The following EBF2 variants were observed in gnomAD, a reference collection of about 807,000 sequenced individuals.
EBF2 encodes EBF transcription factor 2.
A neutral mutation model predicts 72.8 loss-of-function variants in EBF2; 21 were observed. The ratio of observed to expected loss-of-function variants is 0.29; its 90% CI spans 0.20 to 0.42. EBF2 has a LOEUF of 0.42. EBF2 is among the 10% of genes least tolerant of loss of function. The pLI is 1.00. For missense variants in EBF2, 637 were observed against 731.2 expected (o/e 0.87, Z 1.49); for synonymous variants, 299 against 274.2 (o/e 1.09, Z -0.89).
chr8:25,846,697 A>T (rs182801310), intron 15 of EBF2, among the ~76,000 whole-genome samples: 76 of 152,244 alleles, frequency 5.0e-4, no homozygotes, highest in Admixed American at 2.0e-3. Flanking sequence ...TCAAAAAGAA[A>T]AATCTTCAGT....
At chr8:26,033,452 A>T (rs982826065) in intron 5 of EBF2, among the ~76,000 whole-genome samples, 4 of 151,910 alleles carry the variant, frequency 2.6e-5, no homozygotes, top group Non-Finnish European at 4.4e-5. Flanking sequence ...CTGGTCTTGA[A>T]CTCCTGACCT....
At chr8:25,876,573 G>T (rs753946413) in intron 10 of EBF2, among the ~76,000 whole-genome samples, 2 of 152,124 alleles carry the variant, frequency 1.3e-5, no homozygotes, top group Non-Finnish European at 2.9e-5. Context: ...CACCAGCCAC[G>T]GCCTATTTCC....
chr8:26,005,581 T>G (rs1376279513), intron 6 of EBF2, among the ~76,000 whole-genome samples: 35 of 41,714 alleles, frequency 8.4e-4, no homozygotes, highest in South Asian at 2.8e-3. Flanking sequence ...GAGAGAGAGG[T>G]ATTTTGGGAA....
intron 6 of EBF2, among the ~76,000 whole-genome samples, chr8:26,025,503 C>A (rs542086812): frequency 6.6e-6 from 1 of 152,208 alleles, no homozygotes; most frequent in East Asian, 1.9e-4. Flanking sequence ...ACTCCAGTGT[C>A]AGGAAGCTGG....
chr8:25,845,870 G>A (rs919819225), intron 15 of EBF2, among the ~76,000 whole-genome samples: 30 of 152,152 alleles, frequency 2.0e-4, no homozygotes, highest in Non-Finnish European at 1.5e-5. Context: ...TATAATAGAA[G>A]CATTTTGCTG....
chr8:26,005,573 G>GAGAGAGAGAGAGAA (rs1452363058), intron 6 of EBF2, among the ~76,000 whole-genome samples: 1 of 50,202 alleles, frequency 2.0e-5, no homozygotes, highest in African/African-American at 8.4e-5. Flanking sequence ...GAGAGAGAGA[G>GAGAGAGAGAGAGAA]AGAGAGGTAT....
At chr8:25,974,970 A>G (rs1804245802) in intron 6 of EBF2, among the ~76,000 whole-genome samples, 1 of 152,268 alleles carries the variant, frequency 6.6e-6, no homozygotes, top group Middle Eastern at 3.4e-3. Flanking sequence ...GCTGACATCA[A>G]TTTCTCAAAT....
chr8:25,900,558 C>T (rs1289565910), intron 7 of EBF2, among the ~76,000 whole-genome samples: 1 of 152,154 alleles, frequency 6.6e-6, no homozygotes, highest in Non-Finnish European at 1.5e-5. Context: ...TCTCAGTCTT[C>T]TCCCTAGCAT....
chr8:25,861,314 T>C lies in EBF2; in HGVS notation c.1159A>G (p.Asn387Asp). The C allele has an allele frequency of 6.2e-7, 1 of 1,614,216 alleles. No individual in the cohort carries two copies. Among genetic ancestry groups the C allele is most frequent in the South Asian group, 1.1e-5 (1 of 91,086 alleles). Residue 387 changes from asparagine to aspartate, a missense_variant, in exon 12 of 16, where the codon AAC becomes GAC. By Grantham distance (23) the Asn-to-Asp change is conservative (BLOSUM62 1). Transcript: ENST00000520164. ...ATAGGATGTCAGTATCTCACCTGGT[T>C]ATTGTGTGGTGTGCCATAAAGAGCT... Reference protein sequence around the residue: ...VEALYGTPHNNQDIILKRAAD... With the variant: ...VEALYGTPHNDQDIILKRAAD...
At chr8:25,932,622 C>T (rs142489709) in intron 6 of EBF2, among the ~76,000 whole-genome samples, 23 of 152,322 alleles carry the variant, frequency 1.5e-4, no homozygotes, top group African/African-American at 5.5e-4. Context: ...ATTTTGGCAA[C>T]TACATCATAT....
At chr8:26,043,678 G>A (rs1805649032) in intron 1 of EBF2, among the ~76,000 whole-genome samples, 1 of 152,202 alleles carries the variant, frequency 6.6e-6, no homozygotes, top group Non-Finnish European at 1.5e-5. Context: ...CTCTACCCGG[G>A]ACACCTGGCC....
At chr8:25,866,465 A>G (rs1802318964) in intron 10 of EBF2, among the ~76,000 whole-genome samples, 1 of 143,230 alleles carries the variant, frequency 7.0e-6, no homozygotes. Context: ...TATATAATAT[A>G]TAGGATATAT....
At chr8:25,907,297 G>A (rs1803051398) in intron 7 of EBF2, among the ~76,000 whole-genome samples, 1 of 151,382 alleles carries the variant, frequency 6.6e-6, no homozygotes, top group African/African-American at 2.4e-5. Flanking sequence ...GTGCACACCT[G>A]TAGTCCTAGC....
At chr8:26,013,598 C>T (rs74889569) in intron 6 of EBF2, among the ~76,000 whole-genome samples, 10,206 of 152,022 alleles carry the variant, frequency 0.067, 496 homozygotes, top group Non-Finnish European at 0.096. Context: ...ATTTCAGGTA[C>T]CCCCAAATAG....
chr8:25,903,192 T>TG (rs1159825305), intron 7 of EBF2, among the ~76,000 whole-genome samples: 2 of 151,430 alleles, frequency 1.3e-5, no homozygotes, highest in African/African-American at 4.9e-5. Context: ...TCTGGGTTTT[T>TG]TTTTTTTTTT....
chr8:25,979,152 A>G (rs1198808704), intron 6 of EBF2, among the ~76,000 whole-genome samples: 1 of 152,196 alleles, frequency 6.6e-6, no homozygotes, highest in Non-Finnish European at 1.5e-5. Context: ...CCACAAAACC[A>G]TCCCAAGTTG....
At chr8:26,041,351 A>C in intron 2 of EBF2, 1 of 296,094 alleles carries the variant, frequency 3.4e-6, no homozygotes, top group South Asian at 5.3e-5. Context: ...AGGAAGCCCC[A>C]AGGCTTCCCT....
intron 6 of EBF2, among the ~76,000 whole-genome samples, chr8:25,955,320 G>A (rs1231227995): frequency 6.6e-6 from 1 of 152,204 alleles, no homozygotes; most frequent in Non-Finnish European, 1.5e-5. Context: ...AAACCAGCTT[G>A]GAAGCCATTC....
chr8:25,919,945 T>A (rs1348996379), intron 6 of EBF2, among the ~76,000 whole-genome samples: 4 of 152,208 alleles, frequency 2.6e-5, no homozygotes, highest in Non-Finnish European at 5.9e-5. Flanking sequence ...TTTGGAAACA[T>A]AACACTTTTG....
Sources: allele counts gnomAD v4.1 joint callset (sites outside exome capture counted in the v4.1 genomes callset), GRCh38; gene constraint gnomAD v4.1.1; transcripts MANE v1.5; gene names NCBI Gene and HGNC (gene_info 2026-07-23, HGNC 2026-07-21).